Variants in METAP1 observed in about 807,000 individuals in gnomAD.
METAP1 encodes the protein methionyl aminopeptidase 1.
Under a neutral mutation model 53.8 loss-of-function variants are expected in METAP1, and 28 were observed. That is an observed-to-expected ratio of 0.52 (90% CI 0.39 to 0.71). The LOEUF is 0.71. Among genes scored for constraint, METAP1 ranks in the 30% least tolerant of loss-of-function variants. METAP1 has a pLI of 0.00. For missense variants in METAP1, 389 were observed against 479.8 expected, an observed-to-expected ratio of 0.81 and a Z score of 1.77; for synonymous variants, 181 against 165.7, an observed-to-expected ratio of 1.09 and a Z score of -0.71.
At chr4:99,034,043 C>T (rs772655307) in intron 2 of METAP1, among the ~76,000 whole-genome samples, 187 bp from the exon 3 acceptor site, 1 of 152,164 alleles carries the variant, frequency 6.6e-6, no homozygotes, top group Non-Finnish European at 1.5e-5. Context: ...TTGAATATAG[C>T]AGTAAAGCAG....
chr4:99,031,535 C>T, intron 2 of METAP1: 1 of 1,288,920 alleles, frequency 7.8e-7, no homozygotes, highest in Non-Finnish European at 1.0e-6. Flanking sequence ...ATGTCTTAAA[C>T]TGGCTCCACC....
intron 8 of METAP1, among the ~76,000 whole-genome samples, chr4:99,046,098 A>G (rs948693353): frequency 6.6e-6 from 1 of 152,014 alleles, no homozygotes; most frequent in African/African-American, 2.4e-5. Flanking sequence ...TTTTTTGTTT[A>G]ATCAGTATCT....
chr4:98,998,685 C>T (rs1722762333), intron 1 of METAP1, among the ~76,000 whole-genome samples: 1 of 152,130 alleles, frequency 6.6e-6, no homozygotes, highest in African/African-American at 2.4e-5. Context: ...AACAAAACTG[C>T]AAGAGGCCTT....
chr4:99,056,544 TTTTG>T (rs774256017), intron 9 of METAP1, among the ~76,000 whole-genome samples: 25 of 148,752 alleles, frequency 1.7e-4, no homozygotes, highest in Non-Finnish European at 2.8e-4. Context: ...TTGTTTTTTG[TTTTG>T]TTTTTTGTTT....
intron 1 of METAP1, among the ~76,000 whole-genome samples, chr4:99,016,964 A>T (rs1243529333): frequency 6.6e-6 from 1 of 152,178 alleles, no homozygotes; most frequent in Non-Finnish European, 1.5e-5. Flanking sequence ...TCTTTAGCCC[A>T]CATTTCGCTT....
chr4:99,021,680 C>A (rs1444485474), intron 1 of METAP1, among the ~76,000 whole-genome samples: 1 of 152,192 alleles, frequency 6.6e-6, no homozygotes, highest in Non-Finnish European at 1.5e-5. Context: ...CTGACACAAT[C>A]CCCTATGGCT....
intron 4 of METAP1, among the ~76,000 whole-genome samples, chr4:99,036,506 T>G (rs1476672552): frequency 6.6e-6 from 1 of 152,122 alleles, no homozygotes; most frequent in Non-Finnish European, 1.5e-5. Context: ...GCTATTCACC[T>G]TTATGTACAG....
rs1335522230 is a variant in METAP1 at position 99,034,448 on chromosome 4, A to G, written c.279+106A>G. The stretch of plus-strand genomic sequence containing the variant: ...GAATCATATAATCAGGATTGTGTTT[A>G]CAAAGGAACTCGAATTTTAGCTCTT... On this transcript the variant is annotated intron_variant, in intron 3 of 10. Transcript: ENST00000296411. 22 of 707,934 alleles carry G rather than the reference A, an allele frequency of 3.1e-5. No homozygotes were observed. In the South Asian group the frequency reaches 3.2e-4, roughly 10 times the overall value. The allele number at this position is 707,934 out of a possible 1,614,324, so 43.9% of individuals were successfully genotyped here.
At chr4:99,046,936 C>CAAAAAAAAAAAAAAAAAAAAAA (rs56702946) in intron 8 of METAP1, among the ~76,000 whole-genome samples, 4 of 82,212 alleles carry the variant, frequency 4.9e-5, no homozygotes, top group Non-Finnish European at 7.8e-5. Flanking sequence ...ACTGAAGAAA[C>CAAAAAAAAAAAAAAAAAAAAAA]AAAAAAAAAA....
In METAP1 at chr4:99,061,317, A is replaced by C; in HGVS notation, c.1161A>C (p.Ter387TyrextTer56). 6.2e-7 allele frequency: 1 copy of C among 1,611,860 alleles called. No individual in the cohort carries two copies. Among genetic ancestry groups the C allele is most frequent in the Non-Finnish European group, 8.5e-7 (1 of 1,178,744 alleles). ...GGCCTCACTTCATGTCTCAATTTTA[A>C]TTTCTCCCAAGATGGCACATCTCAG... Reference protein sequence around the residue: ...SARPHFMSQF* With the variant: ...SARPHFMSQFY Residue 387 changes from the stop codon to tyrosine (Y), a stop_lost, in exon 11 of 11, where the codon TAA becomes TAC. Coordinates refer to ENST00000296411, the MANE Select transcript of METAP1 (RefSeq NM_015143.3).
intron 1 of METAP1, among the ~76,000 whole-genome samples, chr4:99,008,268 A>G (rs1029563868): frequency 1.3e-5 from 2 of 152,188 alleles, no homozygotes; most frequent in African/African-American, 4.8e-5. Flanking sequence ...AAGCTGAGGC[A>G]TGTAGGTAAT....
At chr4:99,020,380 C>T (rs577243665) in intron 1 of METAP1, among the ~76,000 whole-genome samples, 15 of 152,226 alleles carry the variant, frequency 9.9e-5, no homozygotes, top group Admixed American at 2.0e-4. Context: ...GCCAGCTCTT[C>T]GGAAGCGCAG....
intron 1 of METAP1, among the ~76,000 whole-genome samples, chr4:99,021,516 C>T (rs1724107369): frequency 6.6e-6 from 1 of 152,084 alleles, no homozygotes; most frequent in Non-Finnish European, 1.5e-5. Flanking sequence ...AATTGATGGG[C>T]ACGGGAATTT....
At chr4:99,007,663 G>A (rs773112919) in intron 1 of METAP1, among the ~76,000 whole-genome samples, 1 of 151,978 alleles carries the variant, frequency 6.6e-6, no homozygotes, top group Non-Finnish European at 1.5e-5. Flanking sequence ...TGTGTACTGG[G>A]CACTAACCAG....
At chr4:99,039,336 C>T (rs1284891841) in intron 4 of METAP1, 38 bp from the exon 5 acceptor site, 12 of 1,174,512 alleles carry the variant, frequency 1.0e-5, no homozygotes, top group Non-Finnish European at 1.3e-5. Flanking sequence ...TACATCTTTG[C>T]ATTCATTTTG....
intron 1 of METAP1, among the ~76,000 whole-genome samples, chr4:99,010,830 A>G (rs1305354205): frequency 1.3e-5 from 2 of 152,068 alleles, no homozygotes; most frequent in South Asian, 2.1e-4. Context: ...TGTTGCCTTT[A>G]CTTGCTTTTG....
intron 2 of METAP1, among the ~76,000 whole-genome samples, chr4:99,032,112 T>G (rs1189569751): frequency 6.6e-6 from 1 of 152,206 alleles, no homozygotes; most frequent in Non-Finnish European, 1.5e-5. Context: ...GAATTTTCCG[T>G]TAAGTAAATT....
intron 1 of METAP1, chr4:99,005,675 G>A (rs1723143039): frequency 3.4e-6 from 1 of 292,590 alleles, no homozygotes; most frequent in South Asian, 3.0e-5. Context: ...CAACCTAAGT[G>A]TCAGCTGATG....
At chr4:99,008,291 A>G (rs1198596482) in intron 1 of METAP1, among the ~76,000 whole-genome samples, 1 of 152,226 alleles carries the variant, frequency 6.6e-6, no homozygotes, top group Non-Finnish European at 1.5e-5. Flanking sequence ...CAAGTAGATT[A>G]GCAGCTTTAC....
Sources: allele counts gnomAD v4.1 joint callset (sites outside exome capture counted in the v4.1 genomes callset), GRCh38; gene constraint gnomAD v4.1.1; transcripts MANE v1.5; gene names NCBI Gene and HGNC (gene_info 2026-07-23, HGNC 2026-07-21).